Variants in ZNF33A observed in about 807,000 individuals in gnomAD.
The protein encoded by ZNF33A is zinc finger protein 33A.
ZNF33A carries 9 observed loss-of-function variants against 15.9 expected under a neutral mutation model. The observed-to-expected ratio is 0.57, with a 90% confidence interval of 0.34 to 0.99. The LOEUF (loss-of-function observed/expected upper bound fraction) is 0.99, where lower values mean the gene tolerates loss of function less well. Ranked by LOEUF, ZNF33A falls within the 50% of genes least tolerant of loss-of-function variation. The pLI is 0.02. For missense variants in ZNF33A, 843 were observed against 941.6 expected (o/e 0.90, Z 1.37); for synonymous variants, 294 against 324.2 (o/e 0.91, Z 1.00).
rs554054575 is a variant in ZNF33A at position 38,047,624 on chromosome 10, CAAAAAAAAAAAAAAAAAAAAAAAA to C, written c.251-6734_251-6711del. 8.8e-4 allele frequency among the ~76,000 whole-genome samples: 66 copies of C among 75,008 alleles called. No homozygotes were observed. In the East Asian group the frequency reaches 0.023, roughly 26 times the overall value. The allele number at this position is 75,008 out of a possible 152,430, so 49.2% of individuals were successfully genotyped here. On this transcript the variant is annotated intron_variant, in intron 4 of 4. Coordinates refer to ENST00000432900, the MANE Select transcript of ZNF33A (RefSeq NM_006954.2). ...CTGGCGATAGAGCAAGACTCTGTCT[CAAAAAAAAAAAAAAAAAAAAAAAA>C]AAAAAAAAAAAAAAAAGCAAGCCCC... is the stretch of plus-strand genomic sequence containing the variant.
At chr10:38,031,312 G>A (rs935687556) in intron 4 of ZNF33A, among the ~76,000 whole-genome samples, 31 of 152,266 alleles carry the variant, frequency 2.0e-4, no homozygotes, top group African/African-American at 6.3e-4. Context: ...GCATATGCCT[G>A]TAATCTCAGC....
intron 4 of ZNF33A, among the ~76,000 whole-genome samples, chr10:38,032,513 G>A (rs1263453014): frequency 6.6e-6 from 1 of 152,068 alleles, no homozygotes; most frequent in African/African-American, 2.4e-5. Context: ...CAAGGTCTTG[G>A]CTCACTGCAA....
Position 38,059,910 on chromosome 10 carries a change from A to G in ZNF33A, c.*3350A>G. 1 of 182,354 alleles carries G rather than the reference A, an allele frequency of 5.5e-6. No homozygotes were observed. The highest frequency in any genetic ancestry group is 1.0e-5 in the Non-Finnish European group (1 of 95,442). 11.3% of individuals were successfully genotyped at this position (182,354 alleles called of 1,614,324 possible). A position where few individuals can be genotyped will look rare whatever the true frequency, so the allele number is the denominator to read the frequency against. On this transcript the variant is annotated 3_prime_UTR_variant, in exon 5 of 5. Coordinates refer to ENST00000432900, the MANE Select transcript of ZNF33A (RefSeq NM_006954.2). Reference sequence around the variant, plus strand: ...GTAACAAATGAACCATAATGATGCAAGATGTTAATGATTGGGGAGCCTGTG... The same window carrying G: ...GTAACAAATGAACCATAATGATGCAGGATGTTAATGATTGGGGAGCCTGTG...
intron 4 of ZNF33A, among the ~76,000 whole-genome samples, chr10:38,045,102 T>A (rs918743993): frequency 6.6e-6 from 1 of 152,216 alleles, no homozygotes; most frequent in African/African-American, 2.4e-5. Context: ...TCTTGTAATT[T>A]TTTTGTTGAA....
In ZNF33A at chr10:38,010,885, G is replaced by A. The variant is rs372231555; in HGVS notation, c.-45+102G>A. The A allele has an allele frequency of 1.6e-3, 2,240 of 1,426,348 alleles. 27 individuals are homozygous for A. The African/African-American group carries it at 0.027, about 17-fold the overall frequency. 88.4% of individuals were successfully genotyped at this position (1,426,348 alleles called of 1,614,324 possible). A position where few individuals can be genotyped will look rare whatever the true frequency, so the allele number is the denominator to read the frequency against. ...CCAAGTGGTGGGGAGGAGGCCCGGGGACCTCATAGGGGAAGGCGGGGACGG... is the reference window on the plus strand; with the variant it reads ...CCAAGTGGTGGGGAGGAGGCCCGGGAACCTCATAGGGGAAGGCGGGGACGG... On this transcript the variant is annotated intron_variant, in intron 1 of 4. Transcript: ENST00000432900.
intron 4 of ZNF33A, among the ~76,000 whole-genome samples, chr10:38,053,198 C>T (rs1378675326): frequency 6.6e-6 from 1 of 152,122 alleles, no homozygotes; most frequent in South Asian, 2.1e-4. Flanking sequence ...ATTCAACAGA[C>T]TGGGTAGCTT....
At chr10:38,034,122 A>G (rs1216846762) in intron 4 of ZNF33A, among the ~76,000 whole-genome samples, 1 of 152,212 alleles carries the variant, frequency 6.6e-6, no homozygotes, top group Admixed American at 6.5e-5. Context: ...GATAGTAGAG[A>G]GAATTGCCAT....
chr10:38,027,144 ATT>A (rs1353393944), intron 4 of ZNF33A, among the ~76,000 whole-genome samples: 1 of 151,374 alleles, frequency 6.6e-6, no homozygotes, highest in Admixed American at 6.6e-5. Flanking sequence ...GAAATTGGAG[ATT>A]TTGAGTCTTC....
chr10:38,023,468 A>C (rs2064845018), intron 4 of ZNF33A, among the ~76,000 whole-genome samples: 1 of 152,238 alleles, frequency 6.6e-6, no homozygotes, highest in South Asian at 2.1e-4. Flanking sequence ...CAACATTCAG[A>C]AATCGATCAA....
chr10:38,011,633 ATTTTTTTT>A (rs1338909781), intron 1 of ZNF33A, among the ~76,000 whole-genome samples: 6 of 152,006 alleles, frequency 3.9e-5, no homozygotes, highest in African/African-American at 1.4e-4. Flanking sequence ...GAAGAAAAAG[ATTTTTTTT>A]GTTTTTTTGT....
intron 4 of ZNF33A, among the ~76,000 whole-genome samples, chr10:38,043,438 G>A (rs1195994296): frequency 6.6e-6 from 1 of 151,610 alleles, no homozygotes. Context: ...CATGGCACAT[G>A]TATACATATA....
At chr10:38,050,278 T>A (rs1172035952) in intron 4 of ZNF33A, among the ~76,000 whole-genome samples, 3 of 152,304 alleles carry the variant, frequency 2.0e-5, no homozygotes, top group Non-Finnish European at 4.4e-5. Context: ...CAGTGGTGTA[T>A]AACATGGTTA....
chr10:38,018,667 G>A (rs960115535), intron 4 of ZNF33A, among the ~76,000 whole-genome samples: 2 of 152,174 alleles, frequency 1.3e-5, no homozygotes, highest in Non-Finnish European at 2.9e-5. Flanking sequence ...GAGTGATTGT[G>A]GTAGCTTAGA....
chr10:38,026,214 T>G (rs2064979120), intron 4 of ZNF33A, among the ~76,000 whole-genome samples: 1 of 152,238 alleles, frequency 6.6e-6, no homozygotes, highest in Admixed American at 6.5e-5. Context: ...CATTATCTGC[T>G]CAAGTTCCTG....
chr10:38,014,561 T>C (rs2064358064), intron 2 of ZNF33A, among the ~76,000 whole-genome samples: 3 of 152,376 alleles, frequency 2.0e-5, no homozygotes, highest in African/African-American at 7.2e-5. Context: ...GTCAGATTCC[T>C]TTTTTCATGT....
chr10:38,061,402 C>T (rs2066652358), downstream of ZNF33A, among the ~76,000 whole-genome samples: 1 of 152,186 alleles, frequency 6.6e-6, no homozygotes, highest in Non-Finnish European at 1.5e-5. Flanking sequence ...GATACCAGTT[C>T]TCCCCAGATT....
downstream of ZNF33A, chr10:38,064,104 T>A: frequency 6.3e-7 from 1 of 1,597,916 alleles, no homozygotes. Context: ...GAGATGCTCA[T>A]GCCCTTGGAT....
chr10:38,026,893 A>G (rs2065014368), intron 4 of ZNF33A, among the ~76,000 whole-genome samples: 1 of 151,884 alleles, frequency 6.6e-6, no homozygotes. Flanking sequence ...CCTCTAATCT[A>G]TTTTGTCTCT....
intron 4 of ZNF33A, among the ~76,000 whole-genome samples, chr10:38,032,876 A>G (rs2065273946): frequency 1.3e-5 from 2 of 152,002 alleles, no homozygotes; most frequent in African/African-American, 4.8e-5. Flanking sequence ...CCTCCCGAGT[A>G]GCTGGGATTG....
Sources: gnomAD v4.1 joint callset for allele counts (sites outside exome capture counted in the v4.1 genomes callset) on GRCh38, gnomAD v4.1.1 for gene constraint, MANE v1.5 for transcripts, NCBI Gene and HGNC (gene_info 2026-07-23, HGNC 2026-07-21) for gene names.